NR2F1-AS1: variants seen among roughly 807,000 people sequenced by gnomAD.
NR2F1-AS1 encodes the protein NR2F1 antisense RNA 1.
upstream of NR2F1-AS1, among the ~76,000 whole-genome samples, chr5:93,581,586 A>C (rs1388898507): frequency 6.7e-6 from 1 of 149,518 alleles, no homozygotes; most frequent in African/African-American, 2.5e-5. Context: ...GATTCCTGCA[A>C]GCCCCGCCGC....
chr5:93,557,220 T>C (rs995706238), intron 2 of NR2F1-AS1, among the ~76,000 whole-genome samples: 1 of 152,210 alleles, frequency 6.6e-6, no homozygotes, highest in Admixed American at 6.5e-5. Flanking sequence ...AGCTGCTTCG[T>C]GAATTTTCAT....
At chr5:93,424,795 T>C (rs1379818896) in intron 4 of NR2F1-AS1, among the ~76,000 whole-genome samples, 2 of 152,228 alleles carry the variant, frequency 1.3e-5, no homozygotes, top group African/African-American at 2.4e-5. Context: ...GTTAAAAGTT[T>C]GCTTTAAAAA....
rs1379385904 is a variant in NR2F1-AS1 at position 93,436,809 on chromosome 5, A to T, written n.639-41267T>A. On this transcript the variant is annotated intron_variant and non_coding_transcript_variant, in intron 4 of 5. Coordinates refer to ENST00000660523, the Ensembl canonical transcript of NR2F1-AS1. Reference sequence around the variant, plus strand: ...ACACGTAATATATTCCCAAGGGTAAAGGATGAACATTAATTATAATTTAAA... The same window carrying T: ...ACACGTAATATATTCCCAAGGGTAATGGATGAACATTAATTATAATTTAAA... Among the ~76,000 whole-genome samples the T allele has an allele frequency of 2.0e-5, 3 of 152,154 alleles. No homozygotes were observed. In the East Asian group the frequency reaches 5.8e-4, roughly 29 times the overall value.
At chr5:93,550,782 T>C (rs1343275881) in intron 4 of NR2F1-AS1, among the ~76,000 whole-genome samples, 1 of 152,228 alleles carries the variant, frequency 6.6e-6, no homozygotes, top group Non-Finnish European at 1.5e-5. Flanking sequence ...ATATCTCTTA[T>C]TACTGTTACA....
chr5:93,460,795 A>AC (rs1750071617), intron 4 of NR2F1-AS1, among the ~76,000 whole-genome samples: 1 of 152,246 alleles, frequency 6.6e-6, no homozygotes, highest in South Asian at 2.1e-4. Context: ...ACCATCTCAC[A>AC]CCAGTCAGAA....
chr5:93,456,515 T>G (rs1291381692), intron 4 of NR2F1-AS1, among the ~76,000 whole-genome samples: 5 of 152,188 alleles, frequency 3.3e-5, no homozygotes, highest in Non-Finnish European at 7.3e-5. Flanking sequence ...AGATGTTAAT[T>G]ATCCTCAAGT....
intron 1 of NR2F1-AS1, among the ~76,000 whole-genome samples, chr5:93,576,290 ATACTT>A (rs1345807197): frequency 6.6e-6 from 1 of 152,204 alleles, no homozygotes; most frequent in East Asian, 1.9e-4. Context: ...TGCATTCAGA[ATACTT>A]TATTAACTCC....
intron 1 of NR2F1-AS1, among the ~76,000 whole-genome samples, chr5:93,564,141 A>C (rs796207062): frequency 2.1e-3 from 269 of 127,188 alleles, no homozygotes; most frequent in African/African-American, 9.1e-3. Flanking sequence ...AAAAAAAAAA[A>C]AAAAAAAAAC....
intron 4 of NR2F1-AS1, among the ~76,000 whole-genome samples, chr5:93,464,846 A>G (rs1750190076): frequency 6.6e-6 from 1 of 152,232 alleles, no homozygotes; most frequent in African/African-American, 2.4e-5. Flanking sequence ...CCTTTGAAAG[A>G]ACAAATCAAT....
At chr5:93,459,359 T>C (rs1421559114) in intron 4 of NR2F1-AS1, among the ~76,000 whole-genome samples, 1 of 152,094 alleles carries the variant, frequency 6.6e-6, no homozygotes, top group Non-Finnish European at 1.5e-5. Flanking sequence ...AAAATGCCAA[T>C]TAAAACTACA....
At chr5:93,496,715 A>G (rs1750967417) in intron 4 of NR2F1-AS1, among the ~76,000 whole-genome samples, 1 of 152,126 alleles carries the variant, frequency 6.6e-6, no homozygotes, top group African/African-American at 2.4e-5. Context: ...AATTTTTGTG[A>G]TTATTTTTTC....
chr5:93,556,220 C>T (rs538587090), intron 2 of NR2F1-AS1, among the ~76,000 whole-genome samples: 3 of 152,330 alleles, frequency 2.0e-5, no homozygotes, highest in South Asian at 4.1e-4. Context: ...CTGCTCCATA[C>T]ATTTTTACAT....
At chr5:93,552,014 T>G (rs1404128319) in intron 4 of NR2F1-AS1, among the ~76,000 whole-genome samples, 1 of 152,184 alleles carries the variant, frequency 6.6e-6, no homozygotes, top group Non-Finnish European at 1.5e-5. Flanking sequence ...TAGAATCACC[T>G]TTTCTTTCCT....
chr5:93,568,928 C>T (rs1283195630), intron 1 of NR2F1-AS1, among the ~76,000 whole-genome samples: 1 of 152,094 alleles, frequency 6.6e-6, no homozygotes, highest in African/African-American at 2.4e-5. Flanking sequence ...AGAGCAAAAC[C>T]CTTCTTTTCT....
intron 4 of NR2F1-AS1, among the ~76,000 whole-genome samples, chr5:93,521,089 G>A (rs57818471): frequency 0.014 from 2,201 of 152,136 alleles, 62 homozygotes; most frequent in African/African-American, 0.05. Context: ...TCTGATATTC[G>A]ACAAAGCTGA....
At chr5:93,491,405 G>A (rs543306223) in intron 4 of NR2F1-AS1, among the ~76,000 whole-genome samples, 45 of 152,034 alleles carry the variant, frequency 3.0e-4, no homozygotes, top group Admixed American at 9.8e-4. Flanking sequence ...GGTGATGGCC[G>A]TGGTCCTAGC....
intron 4 of NR2F1-AS1, among the ~76,000 whole-genome samples, chr5:93,476,325 A>G (rs1033082783): frequency 7.9e-5 from 12 of 152,188 alleles, no homozygotes; most frequent in African/African-American, 2.7e-4. Flanking sequence ...CAATGCCAGC[A>G]TCATCATTTT....
chr5:93,455,894 C>G (rs988218008), intron 4 of NR2F1-AS1, among the ~76,000 whole-genome samples: 1 of 151,804 alleles, frequency 6.6e-6, no homozygotes, highest in Non-Finnish European at 1.5e-5. Context: ...AAGCATCTGA[C>G]AAAATCCAAC....
At chr5:93,536,896 G>A (rs955843405) in intron 4 of NR2F1-AS1, among the ~76,000 whole-genome samples, 2 of 152,106 alleles carry the variant, frequency 1.3e-5, no homozygotes, top group African/African-American at 2.4e-5. Context: ...TGCTGTTCTC[G>A]AGATAGTGAG....
Sources: allele counts gnomAD v4.1 joint callset (sites outside exome capture counted in the v4.1 genomes callset), GRCh38; gene constraint gnomAD v4.1.1; transcripts MANE v1.5; gene names NCBI Gene and HGNC (gene_info 2026-07-23, HGNC 2026-07-21).